ZNF660: variants seen among roughly 807,000 people sequenced by gnomAD.
The protein encoded by ZNF660 is zinc finger protein 660.
Under a neutral mutation model 23.2 loss-of-function variants are expected in ZNF660, and 24 were observed. The observed-to-expected ratio is 1.04, with a 90% CI of 0.75 to 1.46. ZNF660 has a LOEUF of 1.46. ZNF660 is among the 40% of genes most tolerant of loss of function. The pLI is 0.00. For missense variants in ZNF660, 373 were observed against 396.8 expected (o/e 0.94, Z 0.51); for synonymous variants, 117 against 131.4 (o/e 0.89, Z 0.75).
Position 44,593,630 on chromosome 3 carries a change from G to A in ZNF660, c.-180-384G>A, listed in dbSNP as rs570143247. The stretch of plus-strand genomic sequence containing the variant: ...CTAGGGAGGCTGAGGCAGGAGAATC[G>A]CTTGAACCTGGGAAGCGGAGGTTGC... On this transcript the variant is annotated intron_variant, in intron 2 of 2. Transcript: ENST00000322734. Among the ~76,000 whole-genome samples, 86 of 149,498 alleles carry A rather than the reference G, an allele frequency of 5.8e-4. 1 individual carries two copies. The highest frequency in any genetic ancestry group is 5.5e-3 in the Admixed American group (82 of 14,938).
In ZNF660 at chr3:44,594,097, C is replaced by T. The variant is rs199870777; in HGVS notation, c.-97C>T. On this transcript the variant is annotated 5_prime_UTR_variant, in exon 3 of 3. Transcript: ENST00000322734. ...AATCATACATACTTTCAAGAGAATT[C>T]CACAGAGACATTGCCCAGGAAGTCA... The T allele has an allele frequency of 3.3e-3, 4,774 of 1,435,006 alleles. 14 individuals carry two copies. Among genetic ancestry groups the T allele is most frequent in the Non-Finnish European group, 3.9e-3 (4,003 of 1,024,232 alleles). The allele number at this position is 1,435,006 out of a possible 1,614,324, so 88.9% of individuals were successfully genotyped here.
rs116201853 is a variant in ZNF660 at position 44,593,203 on chromosome 3, C to T, written c.-180-811C>T. ...GTAGACTGGGGTCTAGTACCTGGAC[C>T]TTGAGCAAAAGATGAAATCCTACTC... On this transcript the variant is annotated intron_variant, in intron 2 of 2. Transcript: ENST00000322734. 9.3e-3 allele frequency among the ~76,000 whole-genome samples: 1,416 copies of T among 152,282 alleles called. 26 individuals are homozygous for T. Among genetic ancestry groups the T allele is most frequent in the African/African-American group, 0.033 (1,363 of 41,544 alleles).
At position 44,594,922 on chromosome 3, in the gene ZNF660, G is replaced by A; in HGVS notation, c.729G>A (p.Glu243=). The A allele has an allele frequency of 6.2e-7, 1 of 1,614,054 alleles. No individual in the cohort carries two copies. The highest frequency in any genetic ancestry group is 8.5e-7 in the Non-Finnish European group (1 of 1,180,018). Residue 243 remains glutamate (E), a synonymous_variant, in exon 3 of 3, where the codon GAG becomes GAA. Coordinates refer to ENST00000322734, the MANE Select transcript of ZNF660 (RefSeq NM_173658.4). ...LNEHQRLHRR[E]KPYKCNECGK... is the part of the protein sequence containing the mutation. ...AACACCAGAGACTTCATCGTAGAGA[G>A]AAACCTTACAAATGTAATGAGTGTG...
chr3:44,592,049 G>A (rs1293359065), intron 2 of ZNF660, among the ~76,000 whole-genome samples: 2 of 152,052 alleles, frequency 1.3e-5, no homozygotes, highest in Non-Finnish European at 2.9e-5. Flanking sequence ...GTTGGTCAAA[G>A]GATACAAAAA....
At chr3:44,590,750 A>G (rs1325029995) in intron 2 of ZNF660, among the ~76,000 whole-genome samples, 1 of 152,196 alleles carries the variant, frequency 6.6e-6, no homozygotes, top group Admixed American at 6.6e-5. Flanking sequence ...AGAAAAAACT[A>G]TCAACTTTCT....
Position 44,595,211 on chromosome 3 carries a change from A to G in ZNF660, c.*22A>G. On this transcript the variant is annotated 3_prime_UTR_variant, in exon 3 of 3. Coordinates refer to ENST00000322734, the MANE Select transcript of ZNF660 (RefSeq NM_173658.4). Reference sequence around the variant, plus strand: ...ATAAATAACAAATATTGTGGGTAGTAGGGCTGACTGCTGCTTTTCTAAAAA... The same window carrying G: ...ATAAATAACAAATATTGTGGGTAGTGGGGCTGACTGCTGCTTTTCTAAAAA... The G allele has an allele frequency of 1.3e-6, 2 of 1,525,146 alleles. No homozygotes were observed. The highest frequency in any genetic ancestry group is 1.8e-6 in the Non-Finnish European group (2 of 1,139,068). 94.5% of individuals were successfully genotyped at this position (1,525,146 alleles called of 1,614,324 possible). A position where few individuals can be genotyped will look rare whatever the true frequency, so the allele number is the denominator to read the frequency against.
At chr3:44,593,089 GC>G (rs1700487120) in intron 2 of ZNF660, among the ~76,000 whole-genome samples, 1 of 151,476 alleles carries the variant, frequency 6.6e-6, no homozygotes, top group Non-Finnish European at 1.5e-5. Context: ...CTATAGGCCA[GC>G]CCCTATGAAG....
chr3:44,594,112 C>T lies in ZNF660; in HGVS notation c.-82C>T, dbSNP rs1404002035. 1.3e-6 allele frequency: 2 copies of T among 1,548,698 alleles called. No homozygotes were observed. The highest frequency in any genetic ancestry group is 1.8e-6 in the Non-Finnish European group (2 of 1,124,418). On this transcript the variant is annotated 5_prime_UTR_variant, in exon 3 of 3. Transcript: ENST00000322734. ...CAAGAGAATTCCACAGAGACATTGCCCAGGAAGTCAAAATTTAGAAGGCTC... is the reference window on the plus strand; with the variant it reads ...CAAGAGAATTCCACAGAGACATTGCTCAGGAAGTCAAAATTTAGAAGGCTC...
chr3:44,599,357 CT>C lies in ZNF660; in HGVS notation c.*4174del. 1 of 152,092 alleles carries C rather than the reference CT, an allele frequency of 6.6e-6. No individual in the cohort carries two copies. 9.4% of individuals were successfully genotyped at this position (152,092 alleles called of 1,614,324 possible). A position where few individuals can be genotyped will look rare whatever the true frequency, so the allele number is the denominator to read the frequency against. ...AAAGTGTCGCCCTGGACTTAGAAAT[CT>C]TTTTTCATAGATGGTGCGTCCTGTG... On this transcript the variant is annotated 3_prime_UTR_variant, in exon 3 of 3. Transcript: ENST00000322734.
At chr3:44,589,897 C>T (rs1700356967) in intron 2 of ZNF660, among the ~76,000 whole-genome samples, 1 of 150,962 alleles carries the variant, frequency 6.6e-6, no homozygotes, top group East Asian at 2.0e-4. Flanking sequence ...AAATCCCTGC[C>T]TACATGAAGT....
rs1480961104 is a variant in ZNF660 at position 44,596,303 on chromosome 3, C to A, written c.*1114C>A. The A allele has an allele frequency of 6.6e-6, 1 of 152,144 alleles. No individual in the cohort carries two copies. The highest frequency in any genetic ancestry group is 2.4e-5 in the African/African-American group (1 of 41,428). 9.4% of individuals were successfully genotyped at this position (152,144 alleles called of 1,614,324 possible). ...CTCAGACCTGTGTGTAAAAAAGGAA[C>A]AATTACCTACCTTACAAGGTTGTTG... is the stretch of plus-strand genomic sequence containing the variant. On this transcript the variant is annotated 3_prime_UTR_variant, in exon 3 of 3. Coordinates refer to ENST00000322734, the MANE Select transcript of ZNF660 (RefSeq NM_173658.4).
intron 2 of ZNF660, among the ~76,000 whole-genome samples, chr3:44,592,914 G>A (rs1420953145): frequency 6.6e-6 from 1 of 152,116 alleles, no homozygotes; most frequent in African/African-American, 2.4e-5. Flanking sequence ...TTAGCCAGGC[G>A]TGGTGGCGGG....
intron 2 of ZNF660, among the ~76,000 whole-genome samples, chr3:44,591,756 AG>A (rs1700435843): frequency 6.6e-6 from 1 of 152,232 alleles, no homozygotes; most frequent in Non-Finnish European, 1.5e-5. Flanking sequence ...GCACTTTGGG[AG>A]GCCGAGGCAG....
rs369747922 is a variant in ZNF660, at chr3:44,596,484, C to T, written c.*1295C>T. 20 of 152,264 alleles carry T rather than the reference C, an allele frequency of 1.3e-4. No homozygotes were observed. In the East Asian group the frequency reaches 1.9e-3, roughly 15 times the overall value. The allele number at this position is 152,264 out of a possible 1,614,324, so 9.4% of individuals were successfully genotyped here. A position where few individuals can be genotyped will look rare whatever the true frequency, so the allele number is the denominator to read the frequency against. Reference sequence around the variant, plus strand: ...TGTAAGGTAGTACTTAGGATATTTTCAGATGTATTGAACAGAATACCAAGT... The same window carrying T: ...TGTAAGGTAGTACTTAGGATATTTTTAGATGTATTGAACAGAATACCAAGT... On this transcript the variant is annotated 3_prime_UTR_variant, in exon 3 of 3. Coordinates refer to ENST00000322734, the MANE Select transcript of ZNF660 (RefSeq NM_173658.4).
At position 44,599,379 on chromosome 3, in the gene ZNF660, C is replaced by A. The variant is rs1229730183; in HGVS notation, c.*4190C>A. On this transcript the variant is annotated 3_prime_UTR_variant, in exon 3 of 3. Coordinates refer to ENST00000322734, the MANE Select transcript of ZNF660 (RefSeq NM_173658.4). ...AATCTTTTTTCATAGATGGTGCGTC[C>A]TGTGTTAGGTATTACTTGGAAGAAA... The A allele has an allele frequency of 6.6e-6, 1 of 152,082 alleles. No homozygotes were observed. The allele number at this position is 152,082 out of a possible 1,614,324, so 9.4% of individuals were successfully genotyped here.
rs1377233254 is a variant in ZNF660 at position 44,596,690 on chromosome 3, G to A, written c.*1501G>A. 1.3e-5 allele frequency: 2 copies of A among 152,184 alleles called. No individual in the cohort carries two copies. Among genetic ancestry groups the A allele is most frequent in the Non-Finnish European group, 2.9e-5 (2 of 68,036 alleles). 9.4% of individuals were successfully genotyped at this position (152,184 alleles called of 1,614,324 possible). A position where few individuals can be genotyped will look rare whatever the true frequency, so the allele number is the denominator to read the frequency against. Reference sequence around the variant, plus strand: ...TGGTGGCAAGACAGTGGCCACAGCTGCATCTTGCCTTCACACAACTCCTTC... The same window carrying A: ...TGGTGGCAAGACAGTGGCCACAGCTACATCTTGCCTTCACACAACTCCTTC... On this transcript the variant is annotated 3_prime_UTR_variant, in exon 3 of 3. Transcript: ENST00000322734.
At chr3:44,593,897 C>T in intron 2 of ZNF660, 117 bp from the exon 3 acceptor site, 3 of 476,766 alleles carry the variant, frequency 6.3e-6, no homozygotes, top group Non-Finnish European at 1.2e-5. Flanking sequence ...TTGATCTGTT[C>T]CCCTGCCCTT....
chr3:44,594,939 A>G lies in ZNF660; in HGVS notation c.746A>G (p.Asn249Ser). Residue 249 changes from asparagine (N) to serine (S), a missense_variant, in exon 3 of 3, where the codon AAT becomes AGT. Asn to Ser is a conservative substitution (Grantham distance 46). Coordinates refer to ENST00000322734, the MANE Select transcript of ZNF660 (RefSeq NM_173658.4). ...CGTAGAGAGAAACCTTACAAATGTA[A>G]TGAGTGTGGGAAGGCTTTTACTTCT... The part of the protein sequence containing the change: ...LHRREKPYKC[N>S]ECGKAFTSNR... 6.2e-7 allele frequency: 1 copy of G among 1,614,056 alleles called. No homozygotes were observed. The highest frequency in any genetic ancestry group is 8.5e-7 in the Non-Finnish European group (1 of 1,180,016).
chr3:44,592,560 A>T (rs1700460486), intron 2 of ZNF660, among the ~76,000 whole-genome samples: 1 of 152,148 alleles, frequency 6.6e-6, no homozygotes, highest in South Asian at 2.1e-4. Context: ...CCTCTTGGTT[A>T]TGCTGCCCCT....
Sources: allele counts gnomAD v4.1 joint callset (sites outside exome capture counted in the v4.1 genomes callset), GRCh38; gene constraint gnomAD v4.1.1; transcripts MANE v1.5; gene names NCBI Gene and HGNC (gene_info 2026-07-23, HGNC 2026-07-21).